Variants in RREB1 observed in about 807,000 individuals in gnomAD.
RREB1 encodes the protein ras responsive element binding protein 1.
In RREB1, 27 loss-of-function variants were observed where a neutral mutation model predicts 117.8. The ratio of observed to expected loss-of-function variants is 0.23; its 90% CI spans 0.17 to 0.32. RREB1 has a LOEUF of 0.32. RREB1 is among the 10% of genes least tolerant of loss of function. The probability of loss-of-function intolerance (pLI) is 1.00; values close to 1 mark genes in which losing one functional copy is unlikely to be tolerated. For missense variants in RREB1, 2,577 were observed against 2,378.2 expected (o/e 1.08, Z -1.74); for synonymous variants, 1,298 against 1,026.7 (o/e 1.26, Z -5.05).
intron 1 of RREB1, among the ~76,000 whole-genome samples, chr6:7,167,456 C>T (rs2063377720): frequency 1.3e-5 from 2 of 150,140 alleles, no homozygotes; most frequent in South Asian, 2.1e-4. Context: ...TGGGTTCAAG[C>T]AATTCTCCTG....
intron 8 of RREB1, among the ~76,000 whole-genome samples, chr6:7,224,280 T>C (rs1168242752): frequency 1.3e-5 from 2 of 152,238 alleles, no homozygotes; most frequent in South Asian, 4.1e-4. Context: ...TTATAAATAT[T>C]GCATTATATA....
intron 6 of RREB1, among the ~76,000 whole-genome samples, chr6:7,193,383 T>A (rs1335622380): frequency 2.0e-5 from 3 of 152,224 alleles, no homozygotes; most frequent in African/African-American, 7.2e-5. Flanking sequence ...TTCCATTTCC[T>A]TATTGATCTC....
chr6:7,122,059 C>T (rs9505044), intron 1 of RREB1, among the ~76,000 whole-genome samples: 14,345 of 152,190 alleles, frequency 0.094, 1,053 homozygotes, highest in African/African-American at 0.2. Flanking sequence ...AAGATGGTCT[C>T]ACATGAAAGT....
At chr6:7,145,718 A>G (rs1389487799) in intron 1 of RREB1, among the ~76,000 whole-genome samples, 1 of 151,446 alleles carries the variant, frequency 6.6e-6, no homozygotes, top group Non-Finnish European at 1.5e-5. Flanking sequence ...GGTAGTTTCC[A>G]GTGAAATGTC....
intron 10 of RREB1, among the ~76,000 whole-genome samples, chr6:7,233,093 A>C (rs1233983142): frequency 6.6e-6 from 1 of 152,024 alleles, no homozygotes; most frequent in African/African-American, 2.4e-5. Flanking sequence ...ATGGGGTTTC[A>C]CCATGTTGGC....
At chr6:7,223,916 T>G (rs1023571966) in intron 8 of RREB1, among the ~76,000 whole-genome samples, 1 of 152,232 alleles carries the variant, frequency 6.6e-6, no homozygotes, top group African/African-American at 2.4e-5. Flanking sequence ...TGTAATAATT[T>G]CTTATAATTT....
chr6:7,189,774 C>T (rs1765301105), intron 6 of RREB1, among the ~76,000 whole-genome samples: 1 of 152,120 alleles, frequency 6.6e-6, no homozygotes, highest in Non-Finnish European at 1.5e-5. Flanking sequence ...GGTCCTGGAG[C>T]TTCAGGATAA....
chr6:7,216,454 G>C (rs952109430), intron 8 of RREB1: 3 of 152,190 alleles, frequency 2.0e-5, no homozygotes, highest in African/African-American at 7.2e-5. Context: ...GGTACATAGG[G>C]AGCCCAAGGG....
intron 6 of RREB1, among the ~76,000 whole-genome samples, chr6:7,203,201 G>A (rs1430568390): frequency 6.6e-6 from 1 of 152,148 alleles, no homozygotes; most frequent in African/African-American, 2.4e-5. Flanking sequence ...GGAAGGAGCT[G>A]TAGAAGCAGC....
At chr6:7,167,239 A>G (rs1323379260) in intron 1 of RREB1, among the ~76,000 whole-genome samples, 1 of 152,176 alleles carries the variant, frequency 6.6e-6, no homozygotes, top group Non-Finnish European at 1.5e-5. Context: ...CCTGGTCGCC[A>G]GATAGCATGG....
chr6:7,186,251 C>T (rs1268234116), intron 4 of RREB1, among the ~76,000 whole-genome samples: 1 of 152,156 alleles, frequency 6.6e-6, no homozygotes, highest in Non-Finnish European at 1.5e-5. Context: ...TGGGTTCAGC[C>T]CTACCTCTCC....
chr6:7,115,158 TCTC>T (rs1192741915), intron 1 of RREB1, among the ~76,000 whole-genome samples: 2 of 152,098 alleles, frequency 1.3e-5, no homozygotes, highest in African/African-American at 4.8e-5. Flanking sequence ...TGTCCATACA[TCTC>T]CTCTTGAGAG....
At position 7,221,209 on chromosome 6, in the gene RREB1, C is replaced by A. The variant is rs146751718; in HGVS notation, c.708-5258C>A. Among the ~76,000 whole-genome samples the A allele has an allele frequency of 6.2e-3, 944 of 151,834 alleles. 11 individuals carry two copies. The highest frequency in any genetic ancestry group is 0.022 in the African/African-American group (894 of 41,388). On this transcript the variant is annotated intron_variant, in intron 8 of 12. Transcript: ENST00000379938. ...CGGAGTCTCGCTCTGTCGCCCAGGC[C>A]GGACTGCGGACTGCAGTGGCGCAAT...
intron 5 of RREB1, 106 bp from the exon 6 acceptor site, chr6:7,189,053 A>G: frequency 8.9e-7 from 1 of 1,118,096 alleles, no homozygotes; most frequent in Non-Finnish European, 1.2e-6. Context: ...CACATAGCCA[A>G]GAAAGTTGAT....
In RREB1 at chr6:7,229,802, G is replaced by C. The variant is rs760163014; in HGVS notation, c.1703G>C (p.Gly568Ala). ...SNAHLLQSKS[G>A]TQPHAATRLS... The stretch of plus-strand genomic sequence containing the variant: ...GCCCACCTGCTGCAGTCCAAGTCCG[G>C]GACCCAGCCCCACGCGGCCACGCGG... The change falls in exon 10 of 13, where the codon GGG (glycine) becomes GCG (alanine). Residue 568 changes from glycine (G) to alanine (A), a missense_variant. Transcript: ENST00000379938. The surrounding 1 kb of genome is among the most constrained non-coding windows in gnomAD (Gnocchi z 4.5). 6 of 1,610,592 alleles carry C rather than the reference G, an allele frequency of 3.7e-6. No homozygotes were observed. The highest frequency in any genetic ancestry group is 5.1e-6 in the Non-Finnish European group (6 of 1,178,616).
Position 7,176,792 on chromosome 6 carries a change from A to G in RREB1, c.-166+19A>G, listed in dbSNP as rs909812033. The G allele has an allele frequency of 6.6e-6, 1 of 152,590 alleles. No individual in the cohort carries two copies. Among genetic ancestry groups the G allele is most frequent in the Admixed American group, 6.5e-5 (1 of 15,276 alleles). 9.5% of individuals were successfully genotyped at this position (152,590 alleles called of 1,614,324 possible). On this transcript the variant is annotated intron_variant, in intron 2 of 12. Coordinates refer to ENST00000379938, the MANE Select transcript of RREB1 (RefSeq NM_001003699.4). ...AAAACAGGTTAGTGAAACAGTTTTC[A>G]CTCGCAGTGAGTCACAATAATGTTG... is the stretch of plus-strand genomic sequence containing the variant.
chr6:7,115,365 C>T (rs746701373), intron 1 of RREB1, among the ~76,000 whole-genome samples: 5 of 149,452 alleles, frequency 3.3e-5, no homozygotes, highest in Admixed American at 6.7e-5. Context: ...CCCCACCCCC[C>T]AGCCTATCAC....
chr6:7,121,196 G>A (rs1761666294), intron 1 of RREB1, among the ~76,000 whole-genome samples: 1 of 152,134 alleles, frequency 6.6e-6, no homozygotes, highest in African/African-American at 2.4e-5. Context: ...CTGGGCTCAA[G>A]TGATCTACCC....
intron 1 of RREB1, among the ~76,000 whole-genome samples, chr6:7,115,507 CAT>C (rs1389918256): frequency 6.6e-6 from 1 of 152,128 alleles, no homozygotes; most frequent in Non-Finnish European, 1.5e-5. Flanking sequence ...ACTTTATAGA[CAT>C]GTGCAATACT....
Sources: allele counts gnomAD v4.1 joint callset (sites outside exome capture counted in the v4.1 genomes callset), GRCh38; gene constraint gnomAD v4.1.1; non-coding constraint Gnocchi (gnomAD v3.1); transcripts MANE v1.5; gene names NCBI Gene and HGNC (gene_info 2026-07-23, HGNC 2026-07-21).